The following PCGF3 variants were observed in gnomAD, a reference collection of about 807,000 sequenced individuals.
The protein encoded by PCGF3 is polycomb group RING finger protein 3.
In PCGF3, 7 loss-of-function variants were observed where a neutral mutation model predicts 33.1. That is an observed-to-expected ratio of 0.21 (90% CI 0.12 to 0.40). The LOEUF (loss-of-function observed/expected upper bound fraction) is 0.40. Among genes scored for constraint, PCGF3 ranks in the 10% least tolerant of loss-of-function variants. PCGF3 has a pLI of 1.00. For missense variants in PCGF3, 211 were observed against 313.3 expected (o/e 0.67, Z 2.46); for synonymous variants, 153 against 121.3 (o/e 1.26, Z -1.72).
At chr4:723,106 C>T (rs1323419648) in intron 1 of PCGF3, among the ~76,000 whole-genome samples, 2 of 149,222 alleles carry the variant, frequency 1.3e-5, no homozygotes, top group East Asian at 4.1e-4. Context: ...GGTCCACACT[C>T]GCGTCATCGC....
chr4:719,338 G>A lies in PCGF3; in HGVS notation c.-189-11292G>A, dbSNP rs573684413. Reference sequence around the variant, plus strand: ...GTTCCGTTTTCCTCCTAACCTGGTCGTCTCCAGCGGGAAGGAACAGAGAGT... The same window carrying A: ...GTTCCGTTTTCCTCCTAACCTGGTCATCTCCAGCGGGAAGGAACAGAGAGT... On this transcript the variant is annotated intron_variant, in intron 1 of 10. Transcript: ENST00000362003. Among the ~76,000 whole-genome samples the A allele has an allele frequency of 5.9e-5, 9 of 152,316 alleles. No individual in the cohort carries two copies. The South Asian group carries it at 1.0e-3, about 18-fold the overall frequency.
intron 7 of PCGF3, among the ~76,000 whole-genome samples, chr4:744,332 C>G: frequency 6.6e-6 from 1 of 152,266 alleles, no homozygotes; most frequent in East Asian, 1.9e-4. Context: ...CGGAGCGTGT[C>G]TGTGTCCCAC....
chr4:726,659 A>G (rs1482217358), intron 1 of PCGF3, among the ~76,000 whole-genome samples: 5 of 151,822 alleles, frequency 3.3e-5, no homozygotes, highest in Non-Finnish European at 1.5e-5. Context: ...CGCCTTTTCC[A>G]TTGTCCTCAC....
intron 9 of PCGF3, among the ~76,000 whole-genome samples, chr4:763,244 G>A (rs1370053193): frequency 1.3e-5 from 2 of 152,206 alleles, no homozygotes; most frequent in East Asian, 3.8e-4. Context: ...GGTAGCTGGG[G>A]ACAGAGCAGG....
At chr4:715,181 C>G (rs1742757830) in intron 1 of PCGF3, among the ~76,000 whole-genome samples, 1 of 136,206 alleles carries the variant, frequency 7.3e-6, no homozygotes, top group African/African-American at 2.7e-5. Context: ...GTGCTGGGAC[C>G]CTGTAGACAC....
At chr4:764,922 G>T in intron 9 of PCGF3, 62 bp from the exon 10 acceptor site, 4 of 1,097,020 alleles carry the variant, frequency 3.6e-6, no homozygotes, top group Non-Finnish European at 5.6e-6. Context: ...CAGCATCAAG[G>T]TGGCCATGTC....
chr4:737,366 A>G (rs1743880626), intron 5 of PCGF3, 100 bp from the exon 6 acceptor site: 1 of 813,866 alleles, frequency 1.2e-6, no homozygotes. Flanking sequence ...ACAAAGCTCC[A>G]GACTGGTGAT....
chr4:737,581 C>A, intron 6 of PCGF3, 60 bp downstream of exon 6: 1 of 1,082,572 alleles, frequency 9.2e-7, no homozygotes, highest in Non-Finnish European at 1.4e-6. Context: ...GCAGCCCCTG[C>A]TCTCCTGGAA....
At chr4:711,447 T>TC in intron 1 of PCGF3, among the ~76,000 whole-genome samples, 1 of 91,570 alleles carries the variant, frequency 1.1e-5, no homozygotes, top group South Asian at 4.3e-4. Flanking sequence ...ATTTTTCTTT[T>TC]TTTTTTCTTT....
chr4:766,168 T>C (rs1745362356), exon 11 of PCGF3: 1 of 1,033,702 alleles, frequency 9.7e-7, no homozygotes, highest in Non-Finnish European at 1.5e-6. Context: ...CTGGGTGTCA[T>C]GTGGACCAGA....
intron 1 of PCGF3, among the ~76,000 whole-genome samples, chr4:726,002 G>C (rs1395077740): frequency 6.6e-6 from 1 of 152,124 alleles, no homozygotes; most frequent in Non-Finnish European, 1.5e-5. Flanking sequence ...GCCATGGTTA[G>C]GATCGGCCCC....
intron 4 of PCGF3, 78 bp from the exon 5 acceptor site, chr4:734,853 G>C (rs1169603853): frequency 1.3e-6 from 2 of 1,545,350 alleles, no homozygotes; most frequent in African/African-American, 2.7e-5. Context: ...AGAGACGCCC[G>C]TGTTCAGTGG....
chr4:728,093 T>C (rs1043782744), intron 1 of PCGF3, among the ~76,000 whole-genome samples: 1 of 152,192 alleles, frequency 6.6e-6, no homozygotes, highest in Non-Finnish European at 1.5e-5. Flanking sequence ...ACTTTCCATT[T>C]TATTAGGGTC....
chr4:753,548 C>A (rs575668385), intron 8 of PCGF3, among the ~76,000 whole-genome samples: 1 of 151,804 alleles, frequency 6.6e-6, no homozygotes, highest in East Asian at 1.9e-4. Flanking sequence ...GAGGCTGAGG[C>A]AGGATAATGG....
At position 721,114 on chromosome 4, in the gene PCGF3, G is replaced by A. The variant is rs907206444; in HGVS notation, c.-189-9516G>A. Among the ~76,000 whole-genome samples the A allele has an allele frequency of 1.3e-5, 2 of 151,878 alleles. No individual in the cohort carries two copies. Among genetic ancestry groups the A allele is most frequent in the African/African-American group, 2.4e-5 (1 of 41,302 alleles). On this transcript the variant is annotated intron_variant, in intron 1 of 10. Transcript: ENST00000362003. This position sits in a 1 kb window ranked among gnomAD's most constrained non-coding sequence, Gnocchi z 4.1. The stretch of plus-strand genomic sequence containing the variant: ...AGGCTGAGGACCCTGGGGAGGGAAC[G>A]CTGCTTGTCGGGCGGTGGTGACGAT...
intron 8 of PCGF3, among the ~76,000 whole-genome samples, chr4:750,314 G>C (rs914250664): frequency 6.6e-6 from 1 of 152,152 alleles, no homozygotes; most frequent in East Asian, 1.9e-4. Flanking sequence ...TCTCCTTCCC[G>C]GGCGGTCAGG....
chr4:743,330 C>G (rs969492327), intron 6 of PCGF3, 144 bp from the exon 7 acceptor site: 2 of 602,288 alleles, frequency 3.3e-6, no homozygotes, highest in African/African-American at 3.7e-5. Context: ...CAAAACATCT[C>G]AGTCTTAATT....
chr4:736,047 T>A lies in PCGF3; in HGVS notation c.206+1020T>A, dbSNP rs556251126. Among the ~76,000 whole-genome samples, 61 of 152,198 alleles carry A rather than the reference T, an allele frequency of 4.0e-4. 1 individual carries two copies. Among genetic ancestry groups the A allele is most frequent in the Middle Eastern group, 3.4e-3 (1 of 294 alleles). ...TCCCTTTTATTATTATTATTTTTCT[T>A]AATTTTATTTATTTTTCTTGAGATG... On this transcript the variant is annotated intron_variant, in intron 5 of 10. Coordinates refer to ENST00000362003, the Ensembl canonical transcript of PCGF3.
chr4:711,104 A>G (rs1346861328), intron 1 of PCGF3, among the ~76,000 whole-genome samples: 1 of 152,120 alleles, frequency 6.6e-6, no homozygotes, highest in Non-Finnish European at 1.5e-5. Context: ...CACACCCTCC[A>G]CTGCACAGGG....
Sources: allele counts gnomAD v4.1 joint callset (sites outside exome capture counted in the v4.1 genomes callset), GRCh38; gene constraint gnomAD v4.1.1; non-coding constraint Gnocchi (gnomAD v3.1); transcripts MANE v1.5; gene names NCBI Gene and HGNC (gene_info 2026-07-23, HGNC 2026-07-21).